Variants in IL1RAPL2 observed in about 807,000 individuals in gnomAD.
IL1RAPL2 encodes the protein X-linked interleukin-1 receptor accessory protein-like 2.
IL1RAPL2 carries 3 observed loss-of-function variants against 44.1 expected under a neutral mutation model. That is an observed-to-expected ratio of 0.07 (90% CI 0.03 to 0.18). The LOEUF is 0.18. Ranked by LOEUF, IL1RAPL2 falls within the 10% of genes least tolerant of loss-of-function variation. The pLI, the probability that IL1RAPL2 is intolerant of heterozygous loss-of-function variation, is 1.00. For synonymous variants in IL1RAPL2, 181 were observed against 178.8 expected (o/e 1.01, Z -0.10); for missense variants, 391 against 496.4 (o/e 0.79, Z 2.02).
intron 2 of IL1RAPL2, among the ~76,000 whole-genome samples, chrX:104,901,491 G>T (rs1411805772): frequency 1.8e-5 from 2 of 109,949 alleles, no homozygotes; most frequent in Non-Finnish European, 3.8e-5. Context: ...GATTACAGGG[G>T]TGAGCCACCG....
At chrX:104,877,653 G>A (rs1382468411) in intron 2 of IL1RAPL2, among the ~76,000 whole-genome samples, 1 of 112,055 alleles carries the variant, frequency 8.9e-6, no homozygotes, top group Non-Finnish European at 1.9e-5. Flanking sequence ...GATGAATTTA[G>A]GAATAATTTC....
rs950755670 is a variant in IL1RAPL2 at position 104,850,179 on chromosome X, A to T, written c.82+191184A>T. Among the ~76,000 whole-genome samples the T allele has an allele frequency of 5.4e-5, 6 of 111,499 alleles. No individual in the cohort carries two copies. The Admixed American group carries it at 5.8e-4, about 11-fold the overall frequency. ...TGAAGGCTATAGACCTAAATTTTGG[A>T]TAAAGAATTTTTAATGTGGTAGTTG... On this transcript the variant is annotated intron_variant, in intron 2 of 10. Transcript: ENST00000372582.
intron 2 of IL1RAPL2, among the ~76,000 whole-genome samples, chrX:104,763,255 G>T: frequency 8.9e-6 from 1 of 111,895 alleles, no homozygotes; most frequent in East Asian, 2.8e-4. Context: ...TTCCCAATAA[G>T]TTCCTCATCT....
intron 5 of IL1RAPL2, among the ~76,000 whole-genome samples, chrX:105,435,383 C>G (rs916920894): frequency 9.0e-6 from 1 of 110,961 alleles, no homozygotes; most frequent in Non-Finnish European, 1.9e-5. Context: ...ATTAAAAAGT[C>G]AAGAAACAAC....
chrX:105,732,737 C>T (rs1026433079), intron 7 of IL1RAPL2, among the ~76,000 whole-genome samples: 1 of 111,621 alleles, frequency 9.0e-6, no homozygotes, highest in African/African-American at 3.3e-5. Context: ...TCTAACTAAT[C>T]TAAGTCCACT....
chrX:105,590,569 G>T (rs2037161033), intron 6 of IL1RAPL2, among the ~76,000 whole-genome samples: 1 of 111,024 alleles, frequency 9.0e-6, no homozygotes, highest in African/African-American at 3.3e-5. Flanking sequence ...TTAAGATGAA[G>T]CAATATTCAT....
chrX:104,976,790 G>T (rs984656251), intron 2 of IL1RAPL2, among the ~76,000 whole-genome samples: 1 of 110,111 alleles, frequency 9.1e-6, no homozygotes, highest in Admixed American at 9.7e-5. Flanking sequence ...AACCCCAAAG[G>T]CCTGATTGGG....
At chrX:105,392,687 G>T (rs2035535149) in intron 5 of IL1RAPL2, among the ~76,000 whole-genome samples, 2 of 111,316 alleles carry the variant, frequency 1.8e-5, no homozygotes, top group African/African-American at 3.3e-5. Flanking sequence ...ATAGAAAAAG[G>T]GTTTCATAAA....
intron 2 of IL1RAPL2, among the ~76,000 whole-genome samples, chrX:104,845,836 T>C (rs941410726): frequency 8.9e-6 from 1 of 111,756 alleles, no homozygotes; most frequent in Non-Finnish European, 1.9e-5. Context: ...TATAGTTAGG[T>C]TTTCATTGTC....
chrX:104,737,106 G>A (rs1443124965), intron 2 of IL1RAPL2, among the ~76,000 whole-genome samples: 1 of 112,551 alleles, frequency 8.9e-6, no homozygotes, highest in East Asian at 2.8e-4. Context: ...ATTTGGGCAT[G>A]AGCCCATCTC....
At chrX:105,230,334 AG>A (rs2034057086) in intron 3 of IL1RAPL2, among the ~76,000 whole-genome samples, 1 of 110,669 alleles carries the variant, frequency 9.0e-6, no homozygotes, top group Non-Finnish European at 1.9e-5. Flanking sequence ...TTTCCTGTCA[AG>A]TAGCACTTCT....
chrX:105,698,858 A>G (rs952981346), intron 6 of IL1RAPL2, among the ~76,000 whole-genome samples: 3 of 112,129 alleles, frequency 2.7e-5, no homozygotes, highest in African/African-American at 9.7e-5. Flanking sequence ...ATAAACCTGA[A>G]GAAAATTCCT....
At chrX:105,384,089 C>T (rs374623375) in intron 5 of IL1RAPL2, among the ~76,000 whole-genome samples, 5 of 111,070 alleles carry the variant, frequency 4.5e-5, no homozygotes, top group African/African-American at 1.6e-4. Context: ...GTTTCTTTTG[C>T]TGTGCAGAAG....
At chrX:104,738,008 T>TA (rs2147576108) in intron 2 of IL1RAPL2, among the ~76,000 whole-genome samples, 1 of 112,418 alleles carries the variant, frequency 8.9e-6, no homozygotes, top group Admixed American at 9.5e-5. Flanking sequence ...TAGTTTTCTT[T>TA]TGCAGTAAAA....
At position 105,751,254 on chromosome X, in the gene IL1RAPL2, G is replaced by A. The variant is rs143240621; in HGVS notation, c.1192+2151G>A. 6.9e-3 allele frequency among the ~76,000 whole-genome samples: 757 copies of A among 110,427 alleles called. 10 individuals are homozygous for A. Among genetic ancestry groups the A allele is most frequent in the African/African-American group, 0.024 (724 of 30,338 alleles). ...CGCACCACTGCACTCTGGCCTGGGC[G>A]ACAGAGTGAGACCCTGTATCTAAAA... On this transcript the variant is annotated intron_variant, in intron 9 of 10. Transcript: ENST00000372582.
At chrX:105,082,290 T>C (rs933190071) in intron 2 of IL1RAPL2, among the ~76,000 whole-genome samples, 1 of 112,148 alleles carries the variant, frequency 8.9e-6, no homozygotes, top group African/African-American at 3.2e-5. Context: ...TCTCTGATGG[T>C]AGTTTGTATT....
At chrX:105,738,042 T>C (rs113628660) in intron 7 of IL1RAPL2, among the ~76,000 whole-genome samples, 5,137 of 111,467 alleles carry the variant, frequency 0.046, 305 homozygotes, top group African/African-American at 0.16. Context: ...TATGAGAGAC[T>C]CAGATTTTAG....
At chrX:104,586,068 AT>A (rs1928554782) in intron 1 of IL1RAPL2, among the ~76,000 whole-genome samples, 1 of 112,157 alleles carries the variant, frequency 8.9e-6, no homozygotes, top group Non-Finnish European at 1.9e-5. Context: ...CCAACAGTGT[AT>A]AAGCATTTCT....
At chrX:104,747,483 G>A (rs1198005396) in intron 2 of IL1RAPL2, among the ~76,000 whole-genome samples, 2 of 111,391 alleles carry the variant, frequency 1.8e-5, no homozygotes, top group East Asian at 5.7e-4. Flanking sequence ...AAATGAAGCA[G>A]ACAACCACTG....
Sources: allele counts gnomAD v4.1 joint callset (sites outside exome capture counted in the v4.1 genomes callset), GRCh38; gene constraint gnomAD v4.1.1; transcripts MANE v1.5; gene names NCBI Gene and HGNC (gene_info 2026-07-23, HGNC 2026-07-21).